The following ARPC1A variants were observed in gnomAD, a reference collection of about 807,000 sequenced individuals.
ARPC1A encodes actin related protein 2/3 complex subunit 1A, also known as actin-related protein 2/3 complex subunit 1A.
A neutral mutation model predicts 46.9 loss-of-function variants in ARPC1A; 8 were observed. That is an observed-to-expected ratio of 0.17 (90% CI 0.10 to 0.31). ARPC1A has a LOEUF of 0.31. ARPC1A is among the 10% of genes least tolerant of loss of function. ARPC1A has a pLI of 1.00. For synonymous variants in ARPC1A, 152 were observed against 169.0 expected, an observed-to-expected ratio of 0.90 and a Z score of 0.78; for missense variants, 286 against 483.6, an observed-to-expected ratio of 0.59 and a Z score of 3.83.
chr7:99,330,088 T>C (rs1188237514), intron 1 of ARPC1A, among the ~76,000 whole-genome samples: 1 of 152,138 alleles, frequency 6.6e-6, no homozygotes, highest in Non-Finnish European at 1.5e-5. Context: ...AATTAAACAT[T>C]CTCATTTGAA....
Position 99,359,752 on chromosome 7 carries a change from G to A in ARPC1A, c.983+14G>A, listed in dbSNP as rs148830024. 254 of 1,613,852 alleles carry A rather than the reference G, an allele frequency of 1.6e-4. 1 individual carries two copies. In the Middle Eastern group the frequency reaches 3.6e-3, roughly 23 times the overall value. On this transcript the variant is annotated intron_variant, in intron 8 of 9. Transcript: ENST00000262942. ...GAATAGCATCACGTAGGTGCCGTCT[G>A]TAGAGAGGTGGTCAGGTGACAAGGT...
chr7:99,340,046 A>G (rs1041657690), intron 3 of ARPC1A: 4 of 455,622 alleles, frequency 8.8e-6, no homozygotes, highest in Admixed American at 4.7e-5. Flanking sequence ...AAAAGTTGAG[A>G]TACTTTCAGA....
At chr7:99,349,883 T>G (rs1014619171) in intron 5 of ARPC1A, among the ~76,000 whole-genome samples, 3 of 151,470 alleles carry the variant, frequency 2.0e-5, no homozygotes, top group African/African-American at 7.3e-5. Context: ...TGGTCACAAA[T>G]GCCTGTAATC....
intron 3 of ARPC1A, among the ~76,000 whole-genome samples, chr7:99,340,794 C>A (rs1308273125): frequency 2.6e-5 from 4 of 152,164 alleles, no homozygotes; most frequent in Non-Finnish European, 4.4e-5. Flanking sequence ...CTGCATTCTT[C>A]AGCAATAACT....
At chr7:99,339,388 G>A (rs1275186264) in intron 3 of ARPC1A, among the ~76,000 whole-genome samples, 1 of 152,120 alleles carries the variant, frequency 6.6e-6, no homozygotes, top group Non-Finnish European at 1.5e-5. Flanking sequence ...CGTTAGCACG[G>A]TGTGGTGGCA....
At chr7:99,326,334 C>T (rs569111586) in intron 1 of ARPC1A, among the ~76,000 whole-genome samples, 159 of 152,314 alleles carry the variant, frequency 1.0e-3, no homozygotes, top group African/African-American at 3.7e-3. Context: ...GAGGATCTCC[C>T]GTAATCGAGC....
intron 3 of ARPC1A, 131 bp from the exon 4 acceptor site, chr7:99,344,162 G>A: frequency 1.3e-6 from 1 of 755,018 alleles, no homozygotes; most frequent in Non-Finnish European, 2.2e-6. Flanking sequence ...CATAGATAGT[G>A]GGAAGGATGT....
At chr7:99,348,523 A>G (rs1233444152) in intron 4 of ARPC1A, among the ~76,000 whole-genome samples, 1 of 152,218 alleles carries the variant, frequency 6.6e-6, no homozygotes, top group Admixed American at 6.6e-5. Flanking sequence ...CCTGGGCAAC[A>G]TGGAGAAATC....
At chr7:99,356,667 C>T (rs920444249) in intron 6 of ARPC1A, among the ~76,000 whole-genome samples, 26 of 151,324 alleles carry the variant, frequency 1.7e-4, no homozygotes, top group Non-Finnish European at 3.7e-4. Context: ...TTTGGGAGGC[C>T]GAGGCGGGCG....
intron 5 of ARPC1A, 114 bp downstream of exon 5, chr7:99,349,073 G>C (rs1793508205): frequency 1.8e-6 from 2 of 1,093,374 alleles, no homozygotes; most frequent in Non-Finnish European, 2.7e-6. Context: ...GTTGTTTTGA[G>C]ACAGGGTCTC....
chr7:99,326,249 C>T (rs1021484428), intron 1 of ARPC1A, among the ~76,000 whole-genome samples: 10 of 152,202 alleles, frequency 6.6e-5, no homozygotes, highest in Non-Finnish European at 1.3e-4. Flanking sequence ...TTAACGGCCC[C>T]TTCTGCGCCC....
intron 2 of ARPC1A, among the ~76,000 whole-genome samples, chr7:99,337,336 G>A (rs1242772636): frequency 1.3e-5 from 2 of 152,176 alleles, no homozygotes; most frequent in African/African-American, 2.4e-5. Context: ...CAGGAGAATC[G>A]CTTGAACCTG....
chr7:99,345,150 G>T (rs1470911757), intron 4 of ARPC1A, among the ~76,000 whole-genome samples: 1 of 151,560 alleles, frequency 6.6e-6, no homozygotes, highest in African/African-American at 2.4e-5. Flanking sequence ...GGCCAGGCTG[G>T]TCATGAACTC....
intron 5 of ARPC1A, among the ~76,000 whole-genome samples, chr7:99,350,631 CTT>C (rs540737612): frequency 0.013 from 879 of 66,534 alleles, no homozygotes; most frequent in African/African-American, 0.037. Flanking sequence ...ATGAGGTGCA[CTT>C]TTTTTTTTTT....
chr7:99,358,116 AG>A (rs2150873013), intron 6 of ARPC1A, among the ~76,000 whole-genome samples: 1 of 152,234 alleles, frequency 6.6e-6, no homozygotes, highest in South Asian at 2.1e-4. Context: ...TTTGGGAACC[AG>A]TTTGTCGTCA....
At chr7:99,333,555 A>G in intron 2 of ARPC1A, 138 bp downstream of exon 2, 1 of 737,126 alleles carries the variant, frequency 1.4e-6, no homozygotes, top group Non-Finnish European at 2.2e-6. Flanking sequence ...GAAGGGAACT[A>G]AGTCAGTCCT....
intron 8 of ARPC1A, among the ~76,000 whole-genome samples, chr7:99,362,102 C>T: frequency 6.6e-6 from 1 of 152,008 alleles, no homozygotes; most frequent in Middle Eastern, 3.2e-3. Flanking sequence ...CAAGACCAGC[C>T]TGACCAACAT....
intron 5 of ARPC1A, among the ~76,000 whole-genome samples, chr7:99,353,119 TTATG>T (rs1562801243): frequency 1.6e-3 from 49 of 31,142 alleles, no homozygotes; most frequent in South Asian, 0.015. Context: ...TTAGTTTATG[TTATG>T]TTATGTTATG....
chr7:99,350,674 C>G (rs1793531962), intron 5 of ARPC1A, among the ~76,000 whole-genome samples: 1 of 103,912 alleles, frequency 9.6e-6, no homozygotes, highest in Non-Finnish European at 1.8e-5. Flanking sequence ...GAGACAAGGT[C>G]TTGCTCTGTC....
Sources: allele counts gnomAD v4.1 joint callset (sites outside exome capture counted in the v4.1 genomes callset), GRCh38; gene constraint gnomAD v4.1.1; transcripts MANE v1.5; gene names NCBI Gene and HGNC (gene_info 2026-07-23, HGNC 2026-07-21).